Variants in CAB39L observed in about 807,000 individuals in gnomAD.
CAB39L encodes the protein calcium binding protein 39 like.
CAB39L carries 23 observed loss-of-function variants against 39.1 expected under a neutral mutation model. The ratio of observed to expected loss-of-function variants is 0.59; its 90% CI spans 0.42 to 0.83. The LOEUF is 0.83. Ranked by LOEUF, CAB39L falls within the 40% of genes least tolerant of loss-of-function variation. The pLI is 0.00. For synonymous variants in CAB39L, 126 were observed against 137.2 expected (o/e 0.92, Z 0.57); for missense variants, 366 against 391.9 (o/e 0.93, Z 0.56).
At chr13:49,409,367 C>T (rs1398812064) in intron 3 of CAB39L, among the ~76,000 whole-genome samples, 2 of 150,850 alleles carry the variant, frequency 1.3e-5, no homozygotes, top group South Asian at 2.1e-4. Context: ...GAGAAATGAA[C>T]GTATATTACT....
At chr13:49,392,983 C>A (rs972648957) in intron 3 of CAB39L, 1 of 151,580 alleles carries the variant, frequency 6.6e-6, no homozygotes, top group African/African-American at 2.4e-5. Context: ...GCTCAATTTA[C>A]AAAAAAATGG....
chr13:49,427,281 A>T (rs1272847519), intron 3 of CAB39L, among the ~76,000 whole-genome samples: 2 of 152,222 alleles, frequency 1.3e-5, no homozygotes, highest in African/African-American at 2.4e-5. Flanking sequence ...CCAAAAAAAC[A>T]TGAGTCTACA....
chr13:49,358,005 G>T (rs901678026), intron 6 of CAB39L, among the ~76,000 whole-genome samples: 5 of 152,188 alleles, frequency 3.3e-5, no homozygotes, highest in African/African-American at 1.2e-4. Flanking sequence ...AAATGGCAAT[G>T]AACAAAGTGA....
intron 10 of CAB39L, among the ~76,000 whole-genome samples, chr13:49,330,090 G>A (rs2897709): frequency 0.29 from 43,718 of 151,968 alleles, 7,447 homozygotes; most frequent in African/African-American, 0.49. Context: ...TCGTTGAGAC[G>A]ATGCCAGCCT....
intron 4 of CAB39L, among the ~76,000 whole-genome samples, chr13:49,378,762 T>TG (rs1207536326): frequency 5.0e-5 from 1 of 20,198 alleles, no homozygotes; most frequent in Admixed American, 4.2e-4. Flanking sequence ...GGGAGGGAGG[T>TG]GGGGGGGGTC....
chr13:49,437,292 T>G (rs1472965138), intron 1 of CAB39L, among the ~76,000 whole-genome samples: 1 of 152,206 alleles, frequency 6.6e-6, no homozygotes, highest in Non-Finnish European at 1.5e-5. Context: ...TAATGACTCC[T>G]TTTTGGGTGG....
At chr13:49,385,372 C>T (rs1956335359) in intron 3 of CAB39L, among the ~76,000 whole-genome samples, 1 of 152,222 alleles carries the variant, frequency 6.6e-6, no homozygotes, top group African/African-American at 2.4e-5. Flanking sequence ...GAATGTGTGT[C>T]TGGTTTGATC....
chr13:49,412,848 A>C (rs1957016247), intron 3 of CAB39L: 1 of 152,248 alleles, frequency 6.6e-6, no homozygotes, highest in South Asian at 2.1e-4. Flanking sequence ...TGAGACTCTA[A>C]TTCTGCCACT....
chr13:49,399,495 T>C (rs1223625858), intron 3 of CAB39L, among the ~76,000 whole-genome samples: 1 of 152,104 alleles, frequency 6.6e-6, no homozygotes, highest in Non-Finnish European at 1.5e-5. Flanking sequence ...CTTATATTTT[T>C]CAAGGTAGCA....
intron 5 of CAB39L, among the ~76,000 whole-genome samples, chr13:49,372,732 G>A (rs1159259400): frequency 6.6e-6 from 1 of 152,144 alleles, no homozygotes; most frequent in Admixed American, 6.5e-5. Flanking sequence ...GTTCAGTGGT[G>A]CAATCTCGGC....
In CAB39L at chr13:49,331,157, C is replaced by T. The variant is rs1198505; in HGVS notation, c.834+790G>A. On this transcript the variant is annotated intron_variant, in intron 10 of 10. Transcript: ENST00000409308. Reference sequence around the variant, plus strand: ...TTACAAATAGAATTCTCCCACCTACCCCACCTGTTAAAAAAATCTATTGTA... The same window carrying T: ...TTACAAATAGAATTCTCCCACCTACTCCACCTGTTAAAAAAATCTATTGTA... Among the ~76,000 whole-genome samples the T allele has an allele frequency of 3.7e-3, 566 of 152,040 alleles. 3 individuals are homozygous for T. Among genetic ancestry groups the T allele is most frequent in the African/African-American group, 0.013 (535 of 41,468 alleles).
intron 3 of CAB39L, among the ~76,000 whole-genome samples, chr13:49,430,666 A>G (rs1305878077): frequency 6.6e-6 from 1 of 152,046 alleles, no homozygotes; most frequent in Non-Finnish European, 1.5e-5. Context: ...GTTATTTCTT[A>G]TTTTATCCTA....
intron 9 of CAB39L, among the ~76,000 whole-genome samples, chr13:49,334,817 C>CAT (rs1954806848): frequency 6.6e-6 from 1 of 152,160 alleles, no homozygotes; most frequent in Non-Finnish European, 1.5e-5. Flanking sequence ...CAATCCATTA[C>CAT]ATATATATAT....
chr13:49,380,592 A>G (rs1455072069), intron 4 of CAB39L, among the ~76,000 whole-genome samples: 1 of 152,152 alleles, frequency 6.6e-6, no homozygotes, highest in Non-Finnish European at 1.5e-5. Context: ...GTGAGTTGCA[A>G]AACTTTGTGA....
chr13:49,366,941 T>C (rs1187579492), intron 5 of CAB39L, among the ~76,000 whole-genome samples: 1 of 152,062 alleles, frequency 6.6e-6, no homozygotes, highest in Non-Finnish European at 1.5e-5. Context: ...GCTTGAGCCC[T>C]GGAATGAGCT....
chr13:49,377,627 G>C (rs1170341077), intron 4 of CAB39L, among the ~76,000 whole-genome samples: 5 of 86,314 alleles, frequency 5.8e-5, no homozygotes, highest in Non-Finnish European at 9.3e-5. Flanking sequence ...CCCTAACCGC[G>C]AGTGATCCCG....
chr13:49,423,302 G>A (rs1018534977), intron 3 of CAB39L, among the ~76,000 whole-genome samples: 4 of 152,180 alleles, frequency 2.6e-5, no homozygotes, highest in Non-Finnish European at 5.9e-5. Context: ...CACATTTTGA[G>A]AACCACTGCC....
intron 4 of CAB39L, among the ~76,000 whole-genome samples, chr13:49,379,297 G>A (rs1480987500): frequency 1.5e-4 from 4 of 26,830 alleles, no homozygotes; most frequent in East Asian, 8.6e-4. Context: ...GATGGTTGCC[G>A]TGTCTGTGTA....
In CAB39L at chr13:49,434,200, T is replaced by C; in HGVS notation, c.-222A>G. The C allele has an allele frequency of 2.2e-6, 1 of 455,178 alleles. No individual in the cohort carries two copies. The highest frequency in any genetic ancestry group is 4.4e-6 in the Non-Finnish European group (1 of 226,600). The allele number at this position is 455,178 out of a possible 1,614,324, so 28.2% of individuals were successfully genotyped here. On this transcript the variant is annotated 5_prime_UTR_variant, in exon 2 of 11. Coordinates refer to ENST00000409308, the MANE Select transcript of CAB39L (RefSeq NM_001079670.3). ...AGAACACTTTGCTCCTGATATTCTT[T>C]CTTCTCAATATTTGATGGATATCCT...
Sources: allele counts gnomAD v4.1 joint callset (sites outside exome capture counted in the v4.1 genomes callset), GRCh38; gene constraint gnomAD v4.1.1; transcripts MANE v1.5; gene names NCBI Gene and HGNC (gene_info 2026-07-23, HGNC 2026-07-21).